The following PFAS variants were observed in gnomAD, a reference collection of about 807,000 sequenced individuals.
PFAS encodes phosphoribosylformylglycinamidine synthase.
Under a neutral mutation model 140.6 loss-of-function variants are expected in PFAS, and 97 were observed. The observed-to-expected ratio is 0.69, with a 90% CI of 0.59 to 0.82. PFAS has a LOEUF of 0.82. Among genes scored for constraint, PFAS ranks in the 40% least tolerant of loss-of-function variants. The pLI, the probability that PFAS is intolerant of heterozygous loss-of-function variation, is 0.00. For synonymous variants in PFAS, 679 were observed against 718.8 expected (o/e 0.94, Z 0.88); for missense variants, 1,656 against 1,780.2 (o/e 0.93, Z 1.26).
At position 8,266,652 on chromosome 17, in the gene PFAS, C is replaced by T; in HGVS notation, c.2822-101C>T. ...TCCCTACCCTACTCTCTGGCTGCAT[C>T]CCTCTGACCCTCACCCTGGCCCTTC... On this transcript the variant is annotated intron_variant, in intron 22 of 27. Coordinates refer to ENST00000314666, the MANE Select transcript of PFAS (RefSeq NM_012393.3). The surrounding 1 kb of genome is among the most constrained non-coding windows in gnomAD (Gnocchi z 5.0). The T allele has an allele frequency of 6.6e-7, 1 of 1,512,366 alleles. No individual in the cohort carries two copies. Among genetic ancestry groups the T allele is most frequent in the East Asian group, 2.3e-5 (1 of 44,090 alleles). The allele number at this position is 1,512,366 out of a possible 1,614,324, so 93.7% of individuals were successfully genotyped here.
intron 26 of PFAS, among the ~76,000 whole-genome samples, chr17:8,268,303 G>A (rs1989912302): frequency 6.8e-6 from 1 of 146,982 alleles, no homozygotes; most frequent in Non-Finnish European, 1.5e-5. Flanking sequence ...AACCCAGGAG[G>A]CAGAGGTTGT....
chr17:8,267,764 C>T lies in PFAS; in HGVS notation c.3382+99C>T, dbSNP rs992352478. On this transcript the variant is annotated intron_variant, in intron 26 of 27. Coordinates refer to ENST00000314666, the MANE Select transcript of PFAS (RefSeq NM_012393.3). The surrounding 1 kb of genome is among the most constrained non-coding windows in gnomAD (Gnocchi z 4.9). Reference sequence around the variant, plus strand: ...GCTGGGGATTGGCCTCTCACTCCACCGAGCTACGAGAGAGTGGGCCCATTC... The same window carrying T: ...GCTGGGGATTGGCCTCTCACTCCACTGAGCTACGAGAGAGTGGGCCCATTC... 1.7e-5 allele frequency: 11 copies of T among 633,362 alleles called. No individual in the cohort carries two copies. Among genetic ancestry groups the T allele is most frequent in the East Asian group, 1.1e-4 (4 of 35,868 alleles). 39.2% of individuals were successfully genotyped at this position (633,362 alleles called of 1,614,324 possible). A position where few individuals can be genotyped will look rare whatever the true frequency, so the allele number is the denominator to read the frequency against.
At chr17:8,260,717 C>T (rs112315195) in intron 11 of PFAS, among the ~76,000 whole-genome samples, 18,049 of 152,230 alleles carry the variant, frequency 0.12, 1,661 homozygotes, top group East Asian at 0.3. Flanking sequence ...CCCCGCCTCC[C>T]GGGTTCACGC....
chr17:8,250,333 G>C (rs939625074), intron 1 of PFAS, among the ~76,000 whole-genome samples: 1 of 152,170 alleles, frequency 6.6e-6, no homozygotes. Flanking sequence ...GTTATGCAGT[G>C]GTCAGGAGGT....
In PFAS at chr17:8,267,993, TAA is replaced by T. The variant is rs1477112149; in HGVS notation, c.3382+331_3382+332del. ...TTTATATATATTATTTATATATTAT[TAA>T]AATATATTATTTATATATATTATTT... On this transcript the variant is annotated intron_variant, in intron 26 of 27. Transcript: ENST00000314666. The surrounding 1 kb of genome is among the most constrained non-coding windows in gnomAD (Gnocchi z 4.9). Among the ~76,000 whole-genome samples the T allele has an allele frequency of 1.4e-5, 2 of 143,134 alleles. No individual in the cohort carries two copies. The highest frequency in any genetic ancestry group is 5.1e-5 in the African/African-American group (2 of 39,060). 93.9% of individuals were successfully genotyped at this position (143,134 alleles called of 152,430 possible).
chr17:8,258,069 A>G lies in PFAS; in HGVS notation c.1208-2A>G. 6.2e-7 allele frequency: 1 copy of G among 1,614,160 alleles called. No homozygotes were observed. The highest frequency in any genetic ancestry group is 1.1e-5 in the South Asian group (1 of 91,090). On this transcript the variant is annotated splice_acceptor_variant, in intron 10 of 27. Transcript: ENST00000314666. LOFTEE classifies it high-confidence loss of function. ...CAGGTCCCTCTGATGTTCACACTCC[A>G]GGCTTCGCCCGCTCCTTGGGCCTCC...
In PFAS at chr17:8,266,118, T is replaced by A; in HGVS notation, c.2701+101T>A. The A allele has an allele frequency of 6.5e-7, 1 of 1,539,776 alleles. No homozygotes were observed. The highest frequency in any genetic ancestry group is 8.8e-7 in the Non-Finnish European group (1 of 1,131,326). ...GCAAAAGGGACTCCAATGGACGATG[T>A]ACCCCAGATCCCCTGACATTCTGAC... On this transcript the variant is annotated intron_variant, in intron 21 of 27. Coordinates refer to ENST00000314666, the MANE Select transcript of PFAS (RefSeq NM_012393.3). The surrounding 1 kb of genome is among the most constrained non-coding windows in gnomAD (Gnocchi z 5.0).
Position 8,267,104 on chromosome 17 carries a change from G to A in PFAS, c.3044G>A (p.Ser1015Asn). 6.2e-7 allele frequency: 1 copy of A among 1,613,826 alleles called. No homozygotes were observed. The highest frequency in any genetic ancestry group is 8.5e-7 in the Non-Finnish European group (1 of 1,179,934). The change falls in exon 24 of 28, where the codon AGT (serine) becomes AAT (asparagine). Residue 1015 changes from serine to asparagine, a missense_variant. Coordinates refer to ENST00000314666, the MANE Select transcript of PFAS (RefSeq NM_012393.3). The surrounding 1 kb of genome is among the most constrained non-coding windows in gnomAD (Gnocchi z 4.9). The part of the protein sequence containing the change: ...GELRALWEET[S>N]FQLDRLQAEP... ...CTGCGAGCCCTCTGGGAGGAGACGA[G>A]TTTCCAGCTGGACCGGCTACAGGCA...
chr17:8,252,307 G>T (rs754066311), intron 1 of PFAS, among the ~76,000 whole-genome samples: 2 of 151,728 alleles, frequency 1.3e-5, no homozygotes, highest in Non-Finnish European at 2.9e-5. Flanking sequence ...AAAAGAAAAA[G>T]AAAATAAATA....
At position 8,255,644 on chromosome 17, in the gene PFAS, T is replaced by C; in HGVS notation, c.527T>C (p.Ile176Thr). The C allele has an allele frequency of 6.3e-7, 1 of 1,583,610 alleles. No individual in the cohort carries two copies. Among genetic ancestry groups the C allele is most frequent in the Non-Finnish European group, 8.6e-7 (1 of 1,167,258 alleles). ...MPEPLNGPIN[I>T]LGEGRLALEK... ...GAACCCCTCAATGGCCCTATCAATA[T>C]ACTGGGTGAGGGCCGGCTTGCGCTG... is the stretch of plus-strand genomic sequence containing the variant. Residue 176 changes from isoleucine (I) to threonine (T), a missense_variant, in exon 5 of 28, where the codon ATA becomes ACA. Ile to Thr is a moderately conservative substitution (Grantham distance 89, BLOSUM62 -1). Transcript: ENST00000314666.
rs747860461 is a variant in PFAS at position 8,269,107 on chromosome 17, G to A, written c.3860G>A (p.Cys1287Tyr). Residue 1287 changes from cysteine (C) to tyrosine (Y), a missense_variant, in exon 28 of 28, where the codon TGT (cysteine) becomes TAT (tyrosine). Coordinates refer to ENST00000314666, the MANE Select transcript of PFAS (RefSeq NM_012393.3). The part of the protein sequence containing the change: ...SPGGVAGICS[C>Y]DGRHLAVMPH... ...GGGGGCGTGGCTGGCATCTGCTCCT[G>A]TGATGGCCGCCACCTGGCTGTCATG... 2 of 1,614,130 alleles carry A rather than the reference G, an allele frequency of 1.2e-6. No homozygotes were observed. Among genetic ancestry groups the A allele is most frequent in the South Asian group, 2.2e-5 (2 of 91,086 alleles).
At chr17:8,259,312 C>T (rs1003455776) in intron 11 of PFAS, among the ~76,000 whole-genome samples, 3 of 151,658 alleles carry the variant, frequency 2.0e-5, no homozygotes, top group Admixed American at 1.3e-4. Context: ...ACTTTGTCAC[C>T]CAGGCTGAAG....
rs1989390091 is a variant in PFAS at position 8,256,892 on chromosome 17, A to G, written c.1004A>G (p.Gln335Arg). The G allele has an allele frequency of 1.2e-6, 2 of 1,613,938 alleles. No homozygotes were observed. Among genetic ancestry groups the G allele is most frequent in the Admixed American group, 1.7e-5 (1 of 59,990 alleles). The change falls in exon 9 of 28, where the codon CAG becomes CGG. Residue 335 changes from glutamine to arginine, a missense_variant. By Grantham distance (43) the Gln-to-Arg change is conservative. Coordinates refer to ENST00000314666, the MANE Select transcript of PFAS (RefSeq NM_012393.3). The stretch of plus-strand genomic sequence containing the variant: ...ACAGGGGGCCGGATTCGAGATGTCC[A>G]GTGCACAGGCCGCGGGGCCCACGTG... The part of the protein sequence containing the change: ...TGTGGRIRDV[Q>R]CTGRGAHVVA...
At chr17:8,254,465 C>T (rs1161319565) in intron 3 of PFAS, among the ~76,000 whole-genome samples, 164 bp downstream of exon 3, 1 of 152,110 alleles carries the variant, frequency 6.6e-6, no homozygotes, top group Non-Finnish European at 1.5e-5. Flanking sequence ...TAGCCTGCTC[C>T]AAAACATGTT....
At chr17:8,264,011 C>G in intron 15 of PFAS, 75 bp downstream of exon 15, 2 of 1,548,548 alleles carry the variant, frequency 1.3e-6, no homozygotes, top group Non-Finnish European at 1.8e-6. Context: ...AGAGGGAGAG[C>G]TGTCAAGGGA....
At chr17:8,249,187 A>G (rs1419833477), upstream of PFAS, 1 of 152,100 alleles carries the variant, frequency 6.6e-6, no homozygotes, top group Non-Finnish European at 1.5e-5. Flanking sequence ...CCCACCAAGA[A>G]CCTAGAATTC....
chr17:8,264,607 C>G lies in PFAS; in HGVS notation c.2049+6C>G, dbSNP rs761170810. On this transcript the variant is annotated splice_donor_region_variant and intron_variant, in intron 17 of 27. Coordinates refer to ENST00000314666, the MANE Select transcript of PFAS (RefSeq NM_012393.3). ...AGCGCTACCTCACCAATAAGGTCCT[C>G]CCTGCACCCTTCCTCTGCCCCCTGC... 1.3e-6 allele frequency: 2 copies of G among 1,598,362 alleles called. No individual in the cohort carries two copies. Among genetic ancestry groups the G allele is most frequent in the Non-Finnish European group, 1.7e-6 (2 of 1,173,222 alleles).
chr17:8,268,480 T>A, intron 26 of PFAS, 53 bp from the exon 27 acceptor site: 1 of 1,339,656 alleles, frequency 7.5e-7, no homozygotes, highest in Non-Finnish European at 1.1e-6. Flanking sequence ...CATTCCCAAT[T>A]CCCTTTTTTG....
In PFAS at chr17:8,266,441, C is replaced by T; in HGVS notation, c.2821+88C>T. On this transcript the variant is annotated intron_variant, in intron 22 of 27. Coordinates refer to ENST00000314666, the MANE Select transcript of PFAS (RefSeq NM_012393.3). The surrounding 1 kb of genome is among the most constrained non-coding windows in gnomAD (Gnocchi z 5.0). The stretch of plus-strand genomic sequence containing the variant: ...CCAATATATTAAAGAGTGGAGTGCC[C>T]TCCAGTCCCCTTTCCCTGAGTCTTC... The T allele has an allele frequency of 3.2e-6, 5 of 1,561,588 alleles. No individual in the cohort carries two copies. Among genetic ancestry groups the T allele is most frequent in the Non-Finnish European group, 4.3e-6 (5 of 1,152,600 alleles).
Sources: allele counts gnomAD v4.1 joint callset (sites outside exome capture counted in the v4.1 genomes callset), GRCh38; gene constraint gnomAD v4.1.1; non-coding constraint Gnocchi (gnomAD v3.1); transcripts MANE v1.5; gene names NCBI Gene and HGNC (gene_info 2026-07-23, HGNC 2026-07-21).